PCED1B: variants seen among roughly 807,000 people sequenced by gnomAD.
PCED1B encodes the protein PC-esterase domain-containing protein 1B.
For missense variants in PCED1B, 573 were observed against 573.9 expected (o/e 1.00, Z 0.02); for synonymous variants, 251 against 246.1 (o/e 1.02, Z -0.19).
intron 2 of PCED1B, among the ~76,000 whole-genome samples, chr12:47,147,804 T>C (rs1186153524): frequency 2.6e-5 from 4 of 152,220 alleles, no homozygotes; most frequent in Admixed American, 1.3e-4. Context: ...TTGCCCTTAA[T>C]GCTTTATTCA....
At chr12:47,127,255 GA>G (rs1036801003) in intron 2 of PCED1B, among the ~76,000 whole-genome samples, 1 of 151,884 alleles carries the variant, frequency 6.6e-6, no homozygotes, top group African/African-American at 2.4e-5. Context: ...CATACAGATT[GA>G]AATCTTTTAT....
At chr12:47,147,489 T>A (rs527443620) in intron 2 of PCED1B, among the ~76,000 whole-genome samples, 1 of 152,338 alleles carries the variant, frequency 6.6e-6, no homozygotes, top group East Asian at 1.9e-4. Flanking sequence ...TTTCCACTGA[T>A]GTCTGTTTAC....
rs149345499 is a variant in PCED1B, at chr12:47,121,808, G to A, written c.-526+17613G>A. ...AACACTTTGGAAGGCAAGGTGGGCA[G>A]ATCACTTGAGGTCAGCAGTTCGAGA... On this transcript the variant is annotated intron_variant, in intron 2 of 3. Coordinates refer to ENST00000546455, the MANE Select transcript of PCED1B (RefSeq NM_138371.3). 3.4e-4 allele frequency among the ~76,000 whole-genome samples: 51 copies of A among 152,218 alleles called. No homozygotes were observed. The East Asian group carries it at 9.9e-3, about 29-fold the overall frequency.
At chr12:47,171,702 C>T (rs1015546129) in intron 2 of PCED1B, among the ~76,000 whole-genome samples, 4 of 152,090 alleles carry the variant, frequency 2.6e-5, no homozygotes, top group Non-Finnish European at 5.9e-5. Flanking sequence ...ATATAAAATT[C>T]TTGGATTGTA....
intron 1 of PCED1B, among the ~76,000 whole-genome samples, chr12:47,082,169 C>G (rs1202523339): frequency 2.6e-5 from 4 of 152,220 alleles, no homozygotes; most frequent in African/African-American, 4.8e-5. Flanking sequence ...CAGATTCCCT[C>G]TTTCCACTAG....
chr12:47,211,841 C>G (rs1325744191), intron 2 of PCED1B, among the ~76,000 whole-genome samples: 1 of 148,532 alleles, frequency 6.7e-6, no homozygotes, highest in South Asian at 2.1e-4. Flanking sequence ...TTTGGGAGGC[C>G]GAGGCGGGCG....
At chr12:47,132,905 A>G (rs1420109515) in intron 2 of PCED1B, among the ~76,000 whole-genome samples, 1 of 152,232 alleles carries the variant, frequency 6.6e-6, no homozygotes, top group East Asian at 1.9e-4. Context: ...ATTATCATTC[A>G]AAATACAGTA....
chr12:47,116,796 C>T (rs1251399615), intron 2 of PCED1B, among the ~76,000 whole-genome samples: 1 of 152,032 alleles, frequency 6.6e-6, no homozygotes, highest in African/African-American at 2.4e-5. Context: ...AGGAAGATTT[C>T]AGAAGAAAGG....
chr12:47,118,592 A>T (rs4633537), intron 2 of PCED1B, among the ~76,000 whole-genome samples: 1 of 152,134 alleles, frequency 6.6e-6, no homozygotes, highest in African/African-American at 2.4e-5. Flanking sequence ...TGGTTACTGT[A>T]ACCTTGTAGT....
intron 2 of PCED1B, among the ~76,000 whole-genome samples, chr12:47,212,094 A>C (rs995213010): frequency 5.9e-5 from 8 of 135,660 alleles, no homozygotes; most frequent in African/African-American, 2.2e-4. Flanking sequence ...AAAAAAAAAA[A>C]CCCAATCTCT....
chr12:47,119,495 A>G (rs1187521868), intron 2 of PCED1B, among the ~76,000 whole-genome samples: 2 of 152,032 alleles, frequency 1.3e-5, no homozygotes, highest in Non-Finnish European at 2.9e-5. Context: ...CAGAAGTTCA[A>G]GACCAGCCTG....
intron 2 of PCED1B, among the ~76,000 whole-genome samples, chr12:47,108,020 G>A (rs115992608): frequency 0.011 from 1,672 of 152,272 alleles, 42 homozygotes; most frequent in African/African-American, 0.039. Context: ...CAAAATGACA[G>A]TATGAGCAAG....
chr12:47,143,108 C>T lies in PCED1B; in HGVS notation c.-526+38913C>T, dbSNP rs565317553. On this transcript the variant is annotated intron_variant, in intron 2 of 3. Coordinates refer to ENST00000546455, the MANE Select transcript of PCED1B (RefSeq NM_138371.3). ...TGATAAGCCCACAGCTAACATCATA[C>T]CCAGCTGTGAAACACTGAAAGCTTT... is the stretch of plus-strand genomic sequence containing the variant. Among the ~76,000 whole-genome samples, 4 of 152,210 alleles carry T rather than the reference C, an allele frequency of 2.6e-5. No individual in the cohort carries two copies. The East Asian group carries it at 7.7e-4, about 29-fold the overall frequency.
chr12:47,156,399 T>TC (rs1941193755), intron 2 of PCED1B, among the ~76,000 whole-genome samples: 1 of 152,162 alleles, frequency 6.6e-6, no homozygotes, highest in East Asian at 1.9e-4. Context: ...TAGAAAGATT[T>TC]TCATTTTGCA....
chr12:47,132,518 C>A (rs1169468356), intron 2 of PCED1B, among the ~76,000 whole-genome samples: 1 of 152,166 alleles, frequency 6.6e-6, no homozygotes, highest in Non-Finnish European at 1.5e-5. Flanking sequence ...ATCAGGAAAG[C>A]AATCCATCTC....
Position 47,146,721 on chromosome 12 carries a change from A to T in PCED1B, c.-526+42526A>T, listed in dbSNP as rs996388460. On this transcript the variant is annotated intron_variant, in intron 2 of 3. Coordinates refer to ENST00000546455, the MANE Select transcript of PCED1B (RefSeq NM_138371.3). ...TGATATTGCACACTTAATAAAGTAT[A>T]GTGTAAACATAACTTTTGCATGTGC... Among the ~76,000 whole-genome samples the T allele has an allele frequency of 8.5e-5, 13 of 152,342 alleles. 1 individual carries two copies. Among genetic ancestry groups the T allele is most frequent in the Middle Eastern group, 6.8e-3 (2 of 294 alleles).
intron 1 of PCED1B, among the ~76,000 whole-genome samples, chr12:47,085,928 T>G (rs1937957707): frequency 6.6e-6 from 1 of 151,992 alleles, no homozygotes; most frequent in African/African-American, 2.4e-5. Context: ...AGGCAGGAAG[T>G]GACTCAGACC....
At chr12:47,103,043 A>T (rs1031745996) in intron 1 of PCED1B, among the ~76,000 whole-genome samples, 1 of 152,164 alleles carries the variant, frequency 6.6e-6, no homozygotes, top group African/African-American at 2.4e-5. Flanking sequence ...ATAAAGTTTG[A>T]CACATACTCG....
intron 1 of PCED1B, among the ~76,000 whole-genome samples, chr12:47,098,966 T>C (rs998384929): frequency 6.6e-6 from 1 of 152,176 alleles, no homozygotes; most frequent in Non-Finnish European, 1.5e-5. Context: ...AATTGTTGGC[T>C]TAATCTTTAC....
Sources: allele counts gnomAD v4.1 joint callset (sites outside exome capture counted in the v4.1 genomes callset), GRCh38; gene constraint gnomAD v4.1.1; transcripts MANE v1.5; gene names NCBI Gene and HGNC (gene_info 2026-07-23, HGNC 2026-07-21).